OSBPL10: variants seen among roughly 807,000 people sequenced by gnomAD.
OSBPL10 encodes oxysterol binding protein like 10, also known as oxysterol-binding protein-related protein 10.
Under a neutral mutation model 81.7 loss-of-function variants are expected in OSBPL10, and 49 were observed. That is an observed-to-expected ratio of 0.60 (90% CI 0.48 to 0.76). OSBPL10 has a LOEUF of 0.76. Among genes scored for constraint, OSBPL10 ranks in the 30% least tolerant of loss-of-function variants. The probability of loss-of-function intolerance (pLI) is 0.00; values close to 1 mark genes in which losing one functional copy is unlikely to be tolerated. For synonymous variants in OSBPL10, 419 were observed against 383.6 expected, an observed-to-expected ratio of 1.09 and a Z score of -1.08; for missense variants, 923 against 987.8, an observed-to-expected ratio of 0.93 and a Z score of 0.88.
intron 3 of OSBPL10, among the ~76,000 whole-genome samples, chr3:31,867,904 A>C (rs957628330): frequency 3.3e-5 from 5 of 152,212 alleles, no homozygotes; most frequent in Admixed American, 6.5e-5. Flanking sequence ...ACAGGTCCCC[A>C]ACTGAACACT....
chr3:32,005,652 G>A (rs1474097954), intron 2 of OSBPL10, among the ~76,000 whole-genome samples: 1 of 152,036 alleles, frequency 6.6e-6, no homozygotes. Context: ...CAGTGTCGCT[G>A]TCTCGGCTCA....
chr3:31,855,465 G>A (rs1261777594), intron 3 of OSBPL10, among the ~76,000 whole-genome samples: 1 of 151,980 alleles, frequency 6.6e-6, no homozygotes, highest in Non-Finnish European at 1.5e-5. Context: ...TTGTTCTCTA[G>A]CCTCCAGCCT....
At chr3:31,958,159 TA>T (rs1369606837) in intron 1 of OSBPL10, among the ~76,000 whole-genome samples, 1 of 152,206 alleles carries the variant, frequency 6.6e-6, no homozygotes, top group Non-Finnish European at 1.5e-5. Context: ...AACTTAGAGC[TA>T]AAGCGTGACT....
chr3:31,877,722 C>G (rs1469044668), intron 2 of OSBPL10, among the ~76,000 whole-genome samples: 2 of 152,076 alleles, frequency 1.3e-5, no homozygotes, highest in East Asian at 3.9e-4. Flanking sequence ...TTGCTTAGTC[C>G]TATTTAAGGC....
upstream of OSBPL10, among the ~76,000 whole-genome samples, chr3:31,985,862 A>G (rs768120913): frequency 2.6e-5 from 4 of 152,196 alleles, no homozygotes; most frequent in Middle Eastern, 3.4e-3. Flanking sequence ...CCTCACAACA[A>G]CCACATGAGG....
chr3:31,846,573 A>C (rs902824439), intron 3 of OSBPL10, among the ~76,000 whole-genome samples: 1 of 152,086 alleles, frequency 6.6e-6, no homozygotes, highest in Non-Finnish European at 1.5e-5. Flanking sequence ...CGGAGGTTGC[A>C]GTGAGCCAAG....
chr3:31,792,949 G>C (rs913088793), intron 4 of OSBPL10, among the ~76,000 whole-genome samples: 2 of 149,062 alleles, frequency 1.3e-5, no homozygotes, highest in African/African-American at 4.9e-5. Context: ...GATGTTTCTG[G>C]AAGTACCAGG....
chr3:31,894,358 A>G (rs1257656174), intron 1 of OSBPL10, among the ~76,000 whole-genome samples: 1 of 152,212 alleles, frequency 6.6e-6, no homozygotes, highest in Non-Finnish European at 1.5e-5. Context: ...GAATTCTAAC[A>G]TTAAACAGGG....
intron 4 of OSBPL10, among the ~76,000 whole-genome samples, chr3:31,814,317 A>G (rs147907841): frequency 6.6e-6 from 1 of 152,350 alleles, no homozygotes; most frequent in African/African-American, 2.4e-5. Flanking sequence ...GCTGTGACCT[A>G]AACGAATGTC....
rs1407301842 is a variant in OSBPL10, at chr3:32,061,415, G to A, written n.186-14812C>T. ...GCTTCTTTAATGAAAGTTATTTATCGATTATGATAAAATACTTCATGGGCA... is the reference window on the plus strand; with the variant it reads ...GCTTCTTTAATGAAAGTTATTTATCAATTATGATAAAATACTTCATGGGCA... On this transcript the variant is annotated intron_variant and non_coding_transcript_variant, in intron 1 of 3. Coordinates refer to the OSBPL10 transcript ENST00000479173. Among the ~76,000 whole-genome samples the A allele has an allele frequency of 3.3e-5, 3 of 91,866 alleles. 1 individual carries two copies. The highest frequency in any genetic ancestry group is 5.8e-5 in the Non-Finnish European group (2 of 34,488). 60.3% of individuals were successfully genotyped at this position (91,866 alleles called of 152,430 possible).
At chr3:31,733,694 T>G (rs867233162) in intron 5 of OSBPL10, among the ~76,000 whole-genome samples, 15 of 149,486 alleles carry the variant, frequency 1.0e-4, no homozygotes, top group Middle Eastern at 3.4e-3. Context: ...TGTTTTTTTT[T>G]TTTTTTTTTT....
chr3:31,680,134 G>C (rs1307182261), intron 8 of OSBPL10, among the ~76,000 whole-genome samples: 2 of 152,164 alleles, frequency 1.3e-5, no homozygotes, highest in Non-Finnish European at 2.9e-5. Context: ...ACTGGGGTCA[G>C]AAAAGAGGCC....
intron 6 of OSBPL10, chr3:31,709,005 C>G: frequency 1.0e-6 from 1 of 985,456 alleles, no homozygotes; most frequent in Non-Finnish European, 1.2e-6. Flanking sequence ...AGCCAGGCAA[C>G]CAACTGTGCC....
chr3:31,668,545 CCA>C, intron 10 of OSBPL10, 95 bp downstream of exon 10: 1 of 1,169,658 alleles, frequency 8.5e-7, no homozygotes, highest in South Asian at 2.1e-5. Context: ...TGGCCTGTTT[CCA>C]GTCGCTAAGT....
At chr3:31,672,185 G>A (rs973590195) in intron 8 of OSBPL10, among the ~76,000 whole-genome samples, 1 of 151,960 alleles carries the variant, frequency 6.6e-6, no homozygotes, top group Non-Finnish European at 1.5e-5. Flanking sequence ...GACATTCCTG[G>A]GAGCTCCACA....
At chr3:32,075,514 A>G (rs1699866566) in intron 1 of OSBPL10, among the ~76,000 whole-genome samples, 1 of 152,132 alleles carries the variant, frequency 6.6e-6, no homozygotes, top group African/African-American at 2.4e-5. Flanking sequence ...CAATTCATAC[A>G]AAACAGCATC....
At chr3:31,921,026 T>C (rs1468187726) in intron 1 of OSBPL10, among the ~76,000 whole-genome samples, 1 of 152,102 alleles carries the variant, frequency 6.6e-6, no homozygotes, top group African/African-American at 2.4e-5. Flanking sequence ...GCAACACAAA[T>C]GGACTAATAC....
At chr3:31,961,259 G>C (rs562464583) in intron 1 of OSBPL10, among the ~76,000 whole-genome samples, 13 of 152,054 alleles carry the variant, frequency 8.5e-5, no homozygotes, top group African/African-American at 3.1e-4. Context: ...GCTAGATCAC[G>C]AGTCACCAAA....
intron 4 of OSBPL10, among the ~76,000 whole-genome samples, chr3:31,792,480 C>T (rs1412445037): frequency 1.3e-5 from 2 of 152,148 alleles, no homozygotes; most frequent in Non-Finnish European, 2.9e-5. Flanking sequence ...TTAAAAGGCT[C>T]CTAGTTACCT....
Sources: gnomAD v4.1 joint callset for allele counts (sites outside exome capture counted in the v4.1 genomes callset) on GRCh38, gnomAD v4.1.1 for gene constraint, MANE v1.5 for transcripts, NCBI Gene and HGNC (gene_info 2026-07-23, HGNC 2026-07-21) for gene names.